Variants in CIITA observed in about 807,000 individuals in gnomAD.
The protein encoded by CIITA is class II major histocompatibility complex transactivator.
In CIITA, 72 loss-of-function variants were observed where a neutral mutation model predicts 115.1. That is an observed-to-expected ratio of 0.63 (90% CI 0.52 to 0.76). CIITA has a LOEUF of 0.76. Ranked by LOEUF, CIITA falls within the 30% of genes least tolerant of loss-of-function variation. The pLI is 0.00. For missense variants in CIITA, 1,617 were observed against 1,463.8 expected (o/e 1.10, Z -1.71); for synonymous variants, 763 against 635.6 (o/e 1.20, Z -3.02).
intron 1 of CIITA, among the ~76,000 whole-genome samples, chr16:10,867,857 G>A (rs963904302): frequency 6.6e-6 from 1 of 152,166 alleles, no homozygotes; most frequent in Non-Finnish European, 1.5e-5. Flanking sequence ...CGGTGCTTAA[G>A]TGATCCTCCC....
chr16:10,889,505 T>A (rs1596472966), intron 1 of CIITA, among the ~76,000 whole-genome samples: 1 of 151,762 alleles, frequency 6.6e-6, no homozygotes, highest in East Asian at 1.9e-4. Flanking sequence ...TGCAGGACAA[T>A]CTTTTTTGTT....
Position 10,929,160 on chromosome 16 carries a change from C to T in CIITA, c.*5305C>T, listed in dbSNP as rs1296843404. 6 of 951,254 alleles carry T rather than the reference C, an allele frequency of 6.3e-6. No homozygotes were observed. In the East Asian group the frequency reaches 3.5e-4, roughly 55 times the overall value. The allele number at this position is 951,254 out of a possible 1,614,324, so 58.9% of individuals were successfully genotyped here. ...TCTTCTGAGTCACCCCTGAAACAGTCGCTGCATCTAAGACCAGCCTCGGGC... is the reference window on the plus strand; with the variant it reads ...TCTTCTGAGTCACCCCTGAAACAGTTGCTGCATCTAAGACCAGCCTCGGGC... On this transcript the variant is annotated 3_prime_UTR_variant, in exon 20 of 20. Coordinates refer to ENST00000324288, the MANE Select transcript of CIITA (RefSeq NM_000246.4). This position sits in a 1 kb window ranked among gnomAD's most constrained non-coding sequence, Gnocchi z 4.3.
Position 10,902,808 on chromosome 16 carries a change from G to A in CIITA, c.772+7G>A, listed in dbSNP as rs2144587533. The A allele has an allele frequency of 4.3e-6, 7 of 1,614,100 alleles. No individual in the cohort carries two copies. Among genetic ancestry groups the A allele is most frequent in the East Asian group, 2.2e-5 (1 of 44,880 alleles). On this transcript the variant is annotated splice_region_variant and intron_variant, in intron 8 of 19. Coordinates refer to ENST00000324288, the MANE Select transcript of CIITA (RefSeq NM_000246.4). ...AGTATATTCATCTACCATGGTGAGT[G>A]CGGGGCCTGGCTCCCCGACCACCTC...
intron 12 of CIITA, 111 bp downstream of exon 12, chr16:10,909,298 ACCC>A: frequency 8.8e-7 from 1 of 1,139,862 alleles, no homozygotes; most frequent in East Asian, 2.4e-5. Flanking sequence ...CCTCTGGGAC[ACCC>A]CATGCCCTCT....
chr16:10,928,729 T>C lies in CIITA; in HGVS notation c.*4874T>C, dbSNP rs1328637761. The C allele has an allele frequency of 6.6e-6, 1 of 152,272 alleles. No individual in the cohort carries two copies. Among genetic ancestry groups the C allele is most frequent in the Non-Finnish European group, 1.5e-5 (1 of 68,104 alleles). The allele number at this position is 152,272 out of a possible 1,614,324, so 9.4% of individuals were successfully genotyped here. A position where few individuals can be genotyped will look rare whatever the true frequency, so the allele number is the denominator to read the frequency against. On this transcript the variant is annotated 3_prime_UTR_variant, in exon 20 of 20. Coordinates refer to ENST00000324288, the MANE Select transcript of CIITA (RefSeq NM_000246.4). ...CACACCCCAAATGCTGTCCCTGGCT[T>C]GTGGAGTGGGGCAGGGGGCCAGCCT...
chr16:10,888,059 G>A (rs10048113), intron 1 of CIITA, among the ~76,000 whole-genome samples: 49,315 of 151,984 alleles, frequency 0.32, 8,826 homozygotes, highest in East Asian at 0.54. Flanking sequence ...CCCAGACACA[G>A]AGAAATCTCC....
intron 13 of CIITA, among the ~76,000 whole-genome samples, chr16:10,914,699 C>T (rs2039829681): frequency 2.0e-5 from 3 of 152,136 alleles, no homozygotes; most frequent in South Asian, 4.1e-4. Flanking sequence ...GCTATTTGAT[C>T]GCCTAGTGCC....
rs1305789262 is a variant in CIITA, at chr16:10,879,948, C to A, written c.52+2566C>A. ...AGAAGTTCAAGGCATGGCTCCCTCC[C>A]CAGCCGCAGCCTGGAGTGTCTAACT... On this transcript the variant is annotated intron_variant, in intron 1 of 19. Transcript: ENST00000324288. The surrounding 1 kb of genome is among the most constrained non-coding windows in gnomAD (Gnocchi z 4.3). Among the ~76,000 whole-genome samples the A allele has an allele frequency of 6.6e-6, 1 of 152,210 alleles. No individual in the cohort carries two copies.
chr16:10,909,612 C>G (rs1405181450), intron 12 of CIITA, among the ~76,000 whole-genome samples: 1 of 152,248 alleles, frequency 6.6e-6, no homozygotes, highest in Non-Finnish European at 1.5e-5. Context: ...AACTGTCTTT[C>G]ATTCATTCCT....
chr16:10,901,471 A>T lies in CIITA; in HGVS notation c.437-43A>T. 6.2e-7 allele frequency: 1 copy of T among 1,612,034 alleles called. No individual in the cohort carries two copies. Among genetic ancestry groups the T allele is most frequent in the Non-Finnish European group, 8.5e-7 (1 of 1,178,430 alleles). On this transcript the variant is annotated intron_variant, in intron 5 of 19. Coordinates refer to ENST00000324288, the MANE Select transcript of CIITA (RefSeq NM_000246.4). This position sits in a 1 kb window ranked among gnomAD's most constrained non-coding sequence, Gnocchi z 6.8. Reference sequence around the variant, plus strand: ...AGTCCTGAGCCCCTTCTGGCTTGGGACATCCTCTCCCTGGGGCAGCTGATC... The same window carrying T: ...AGTCCTGAGCCCCTTCTGGCTTGGGTCATCCTCTCCCTGGGGCAGCTGATC...
chr16:10,895,613 C>G (rs2038052550), intron 2 of CIITA, 56 bp from the exon 3 acceptor site: 2 of 1,606,460 alleles, frequency 1.2e-6, no homozygotes, highest in African/African-American at 2.7e-5. Context: ...CCCTCGTTCC[C>G]CACCAGCCCT....
At chr16:10,887,744 C>G (rs1332360191) in intron 1 of CIITA, among the ~76,000 whole-genome samples, 1 of 152,164 alleles carries the variant, frequency 6.6e-6, no homozygotes, top group Non-Finnish European at 1.5e-5. Context: ...ATCCGCCAGC[C>G]TCGGCCTCTC....
chr16:10,895,568 A>C, intron 2 of CIITA, 101 bp from the exon 3 acceptor site: 1 of 1,560,582 alleles, frequency 6.4e-7, no homozygotes, highest in Non-Finnish European at 8.8e-7. Flanking sequence ...CGCTCTCTGC[A>C]GATGGGGATG....
Position 10,928,234 on chromosome 16 carries a change from C to G in CIITA, c.*4379C>G, listed in dbSNP as rs1412483077. On this transcript the variant is annotated 3_prime_UTR_variant, in exon 20 of 20. Coordinates refer to ENST00000324288, the MANE Select transcript of CIITA (RefSeq NM_000246.4). Reference sequence around the variant, plus strand: ...TGTGTATGTGAAGGTGCTTTGAAATCAAGTGCTCTGCAAACTGGAGAGAAT... The same window carrying G: ...TGTGTATGTGAAGGTGCTTTGAAATGAAGTGCTCTGCAAACTGGAGAGAAT... The G allele has an allele frequency of 6.6e-6, 1 of 152,208 alleles. No individual in the cohort carries two copies. Among genetic ancestry groups the G allele is most frequent in the Non-Finnish European group, 1.5e-5 (1 of 68,052 alleles). The allele number at this position is 152,208 out of a possible 1,614,324, so 9.4% of individuals were successfully genotyped here.
intron 1 of CIITA, among the ~76,000 whole-genome samples, chr16:10,869,498 CT>C (rs2035326531): frequency 6.7e-6 from 1 of 148,714 alleles, no homozygotes; most frequent in Non-Finnish European, 1.5e-5. Context: ...TCTGAGCCCC[CT>C]CCCCAGATTG....
In CIITA at chr16:10,941,603, G is replaced by A; in HGVS notation, n.729G>A. 6.7e-7 allele frequency: 1 copy of A among 1,490,438 alleles called. No homozygotes were observed. Among genetic ancestry groups the A allele is most frequent in the Non-Finnish European group, 8.9e-7 (1 of 1,121,416 alleles). The allele number at this position is 1,490,438 out of a possible 1,614,324, so 92.3% of individuals were successfully genotyped here. ...AGGCAGGGGAGGGTCTCCTCCTGGG[G>A]AACCATCCCCGTCCAGATGGTGCCC... On this transcript the variant is annotated non_coding_transcript_exon_variant, in exon 2 of 2. Coordinates refer to the CIITA transcript ENST00000573379. The surrounding 1 kb of genome is among the most constrained non-coding windows in gnomAD (Gnocchi z 6.4).
chr16:10,935,804 A>T lies in CIITA; in HGVS notation c.*11949A>T, dbSNP rs1596656911. Reference sequence around the variant, plus strand: ...ATAACCATCAGACAAACCCAAATTGAGAGACAGTTTACAAAACACCAGCCT... The same window carrying T: ...ATAACCATCAGACAAACCCAAATTGTGAGACAGTTTACAAAACACCAGCCT... On this transcript the variant is annotated 3_prime_UTR_variant, in exon 20 of 20. Coordinates refer to ENST00000324288, the MANE Select transcript of CIITA (RefSeq NM_000246.4). 4.6e-5 allele frequency: 7 copies of T among 152,326 alleles called. 1 individual carries two copies. Among genetic ancestry groups the T allele is most frequent in the Admixed American group, 4.6e-4 (7 of 15,294 alleles). The allele number at this position is 152,326 out of a possible 1,614,324, so 9.4% of individuals were successfully genotyped here.
At chr16:10,911,193 TCTTTCTTTCTTTC>T (rs1388643348) in intron 13 of CIITA, among the ~76,000 whole-genome samples, 4 of 104,326 alleles carry the variant, frequency 3.8e-5, no homozygotes, top group African/African-American at 1.3e-4. Context: ...ATATAGCTTT[TCTTTCTTTCTTTC>T]CTTTCTTCTC....
intron 1 of CIITA, among the ~76,000 whole-genome samples, chr16:10,886,668 T>C (rs1427583815): frequency 6.6e-6 from 1 of 152,240 alleles, no homozygotes; most frequent in Admixed American, 6.5e-5. Context: ...AAGTGTCACT[T>C]TGCTGTTTTA....
Sources: gnomAD v4.1 joint callset for allele counts (sites outside exome capture counted in the v4.1 genomes callset) on GRCh38, gnomAD v4.1.1 for gene constraint, Gnocchi (gnomAD v3.1) non-coding constraint, MANE v1.5 for transcripts, NCBI Gene and HGNC (gene_info 2026-07-23, HGNC 2026-07-21) for gene names.